The following VPS13B variants were observed in gnomAD, a reference collection of about 807,000 sequenced individuals.
VPS13B encodes the protein intermembrane lipid transfer protein VPS13B.
VPS13B carries 285 observed loss-of-function variants against 426.4 expected under a neutral mutation model. That is an observed-to-expected ratio of 0.67 (90% CI 0.61 to 0.74). The LOEUF is 0.74. Among genes scored for constraint, VPS13B ranks in the 30% least tolerant of loss-of-function variants. The probability of loss-of-function intolerance (pLI) is 0.00; values close to 1 mark genes in which losing one functional copy is unlikely to be tolerated. For missense variants in VPS13B, 4,537 were observed against 4,782.6 expected, an observed-to-expected ratio of 0.95 and a Z score of 1.51; for synonymous variants, 1,676 against 1,676.4, an observed-to-expected ratio of 1.00 and a Z score of 0.01.
At chr8:99,784,577 G>A (rs546661343) in intron 43 of VPS13B, 101 bp downstream of exon 43, 705 of 1,488,924 alleles carry the variant, frequency 4.7e-4, no homozygotes, top group Admixed American at 1.1e-3. Flanking sequence ...TTAAGTCTCC[G>A]AAGGAACCAC....
At chr8:99,684,503 C>A (rs868627273) in intron 35 of VPS13B, among the ~76,000 whole-genome samples, 1 of 152,138 alleles carries the variant, frequency 6.6e-6, no homozygotes, top group Non-Finnish European at 1.5e-5. Context: ...CACTTCTGGG[C>A]TTTGGGCTGC....
At chr8:99,835,498 T>C (rs749286894) in intron 53 of VPS13B, 41 bp from the exon 54 acceptor site, 1 of 1,598,956 alleles carries the variant, frequency 6.3e-7, no homozygotes, top group East Asian at 2.2e-5. Flanking sequence ...AGTCTCTGTC[T>C]TTAAGGGCTA....
intron 39 of VPS13B, among the ~76,000 whole-genome samples, chr8:99,743,512 CAAGTCAATCCTAAGCCA>C (rs1462928802): frequency 6.6e-6 from 1 of 152,094 alleles, no homozygotes; most frequent in Non-Finnish European, 1.5e-5. Flanking sequence ...CCCGCATCGC[CAAGTCAATCCTAAGCCA>C]AAACAACAAA....
At position 99,832,577 on chromosome 8, in the gene VPS13B, T is replaced by C. The variant is rs1252041105; in HGVS notation, c.9539T>C (p.Ile3180Thr). Residue 3180 changes from isoleucine to threonine, a missense_variant, in exon 52 of 62, where the codon ATA becomes ACA. Transcript: ENST00000357162. ...DSSQCWSLPAIVRPEFPRQSV... is the reference protein window; with the variant it reads ...DSSQCWSLPATVRPEFPRQSV... Reference sequence around the variant, plus strand: ...TCACAGTGCTGGAGCCTGCCAGCTATAGTTAGACCAGAGTTTCCCAGACAG... The same window carrying C: ...TCACAGTGCTGGAGCCTGCCAGCTACAGTTAGACCAGAGTTTCCCAGACAG... 2 of 1,613,944 alleles carry C rather than the reference T, an allele frequency of 1.2e-6. No homozygotes were observed. The highest frequency in any genetic ancestry group is 1.1e-5 in the South Asian group (1 of 91,066).
rs1833105008 is a variant in VPS13B at position 99,720,897 on chromosome 8, A to G, written c.6900A>G (p.Leu2300=). 1.2e-6 allele frequency: 2 copies of G among 1,613,754 alleles called. No individual in the cohort carries two copies. The highest frequency in any genetic ancestry group is 1.3e-5 in the African/African-American group (1 of 74,872). The change falls in exon 39 of 62, where the codon TTA becomes TTG. Residue 2300 remains leucine, a synonymous_variant. Coordinates refer to ENST00000357162, the MANE Select transcript of VPS13B (RefSeq NM_152564.5). ...AATTGCCTGGGGTCTATGAAGTCTT[A>G]TTTTATAATGAAACTGAAGATTGCC... ...SLKLPGVYEV[L]FYNETEDCPG... is the part of the protein sequence containing the mutation.
At chr8:99,664,215 C>T (rs1475438902) in intron 35 of VPS13B, among the ~76,000 whole-genome samples, 1 of 151,964 alleles carries the variant, frequency 6.6e-6, no homozygotes, top group African/African-American at 2.4e-5. Flanking sequence ...ACATACTGGC[C>T]AGGCTGGTCT....
In VPS13B at chr8:99,640,022, TAATAAGAAG is replaced by T. The variant is rs1304131575; in HGVS notation, c.5221-1786_5221-1778del. 8.7e-4 allele frequency among the ~76,000 whole-genome samples: 78 copies of T among 89,392 alleles called. 3 individuals are homozygous for T. The highest frequency in any genetic ancestry group is 4.1e-3 in the South Asian group (11 of 2,712). The allele number at this position is 89,392 out of a possible 152,430, so 58.6% of individuals were successfully genotyped here. Reference sequence around the variant, plus strand: ...ATAATAATAATAATAATAATAATAATAATAAGAAGAAGAAGAAGAAGAAGAAGAGAAAAG... The same window carrying T: ...ATAATAATAATAATAATAATAATAATAAGAAGAAGAAGAAGAAGAGAAAAG... On this transcript the variant is annotated intron_variant, in intron 33 of 61. Transcript: ENST00000357162.
chr8:99,394,501 G>C (rs1814625798), intron 21 of VPS13B, among the ~76,000 whole-genome samples: 1 of 152,262 alleles, frequency 6.6e-6, no homozygotes, highest in East Asian at 1.9e-4. Flanking sequence ...ATGTAGGGCA[G>C]ACTGAGCCAG....
At chr8:99,152,686 T>C (rs1036595841) in intron 14 of VPS13B, among the ~76,000 whole-genome samples, 8 of 152,232 alleles carry the variant, frequency 5.3e-5, no homozygotes, top group African/African-American at 1.9e-4. Flanking sequence ...GGCACATCCA[T>C]GTTAGGGACT....
intron 39 of VPS13B, among the ~76,000 whole-genome samples, chr8:99,745,767 T>G (rs1345698777): frequency 6.6e-6 from 1 of 152,126 alleles, no homozygotes; most frequent in East Asian, 1.9e-4. Context: ...TTGTCCTAGT[T>G]ACATCTGTTC....
chr8:99,577,703 A>T, intron 33 of VPS13B, 70 bp downstream of exon 33: 1 of 1,568,676 alleles, frequency 6.4e-7, no homozygotes, highest in Admixed American at 1.7e-5. Flanking sequence ...TAGGAAAACT[A>T]TAATTAAGCT....
In VPS13B at chr8:99,383,631, TCA is replaced by T. The variant is rs753548572; in HGVS notation, c.2825-574_2825-573del. ...TAGCAGTTATTTCTACTCTCCCCTC[TCA>T]CAGGCCCTGGTAACCACAAATCTAC... On this transcript the variant is annotated intron_variant, in intron 19 of 61. Transcript: ENST00000357162. Among the ~76,000 whole-genome samples the T allele has an allele frequency of 5.6e-3, 852 of 152,320 alleles. 3 individuals are homozygous for T. Among genetic ancestry groups the T allele is most frequent in the Non-Finnish European group, 9.8e-3 (664 of 68,020 alleles).
chr8:99,183,082 A>G (rs924489957), intron 16 of VPS13B, among the ~76,000 whole-genome samples: 2 of 152,174 alleles, frequency 1.3e-5, no homozygotes, highest in Non-Finnish European at 2.9e-5. Flanking sequence ...GAAAAAAAAG[A>G]GGAGGAAGAC....
chr8:99,074,380 G>A lies in VPS13B; in HGVS notation c.292-21932G>A, dbSNP rs778312721. ...TTTATTGATTTGTGTATGTTGAATC[G>A]TCCTTTCATCCCTTAAGTAAATCCT... is the stretch of plus-strand genomic sequence containing the variant. On this transcript the variant is annotated intron_variant, in intron 3 of 61. Transcript: ENST00000357162. 3.3e-5 allele frequency among the ~76,000 whole-genome samples: 5 copies of A among 151,584 alleles called. No individual in the cohort carries two copies. The East Asian group carries it at 9.8e-4, about 30-fold the overall frequency.
chr8:99,496,016 G>A (rs746348539), intron 25 of VPS13B, among the ~76,000 whole-genome samples: 2 of 152,004 alleles, frequency 1.3e-5, no homozygotes, highest in Non-Finnish European at 2.9e-5. Flanking sequence ...TAGTGATGGG[G>A]CATGGATGTG....
intron 3 of VPS13B, among the ~76,000 whole-genome samples, chr8:99,057,622 C>CT (rs929904457): frequency 6.6e-6 from 1 of 151,932 alleles, no homozygotes; most frequent in Non-Finnish European, 1.5e-5. Context: ...AGGGGTCAGT[C>CT]TTTTTTTTCC....
intron 2 of VPS13B, among the ~76,000 whole-genome samples, chr8:99,030,321 G>A (rs1286028914): frequency 6.6e-6 from 1 of 151,330 alleles, no homozygotes; most frequent in East Asian, 1.9e-4. Context: ...TTCTGGTTAG[G>A]ACCTCTGTCT....
chr8:99,391,045 A>T (rs975538632), intron 20 of VPS13B, among the ~76,000 whole-genome samples: 10 of 152,182 alleles, frequency 6.6e-5, no homozygotes, highest in African/African-American at 2.4e-4. Context: ...TATTCTTCAA[A>T]AAAGTTGGAC....
chr8:99,234,740 A>C (rs1364350546), intron 17 of VPS13B, among the ~76,000 whole-genome samples: 1 of 152,260 alleles, frequency 6.6e-6, no homozygotes, highest in Non-Finnish European at 1.5e-5. Flanking sequence ...TAATTTATAA[A>C]ATTGTTTAAT....
Sources: gnomAD v4.1 joint callset for allele counts (sites outside exome capture counted in the v4.1 genomes callset) on GRCh38, gnomAD v4.1.1 for gene constraint, MANE v1.5 for transcripts, NCBI Gene and HGNC (gene_info 2026-07-23, HGNC 2026-07-21) for gene names.